PAX3: variants seen among roughly 807,000 people sequenced by gnomAD.
PAX3 encodes the protein paired box protein Pax-3.
A neutral mutation model predicts 51.6 loss-of-function variants in PAX3; 14 were observed. That is an observed-to-expected ratio of 0.27 (90% CI 0.18 to 0.42). The LOEUF is 0.42. Ranked by LOEUF, PAX3 falls within the 10% of genes least tolerant of loss-of-function variation. PAX3 has a pLI of 1.00. For synonymous variants in PAX3, 280 were observed against 253.4 expected (o/e 1.11, Z -1.00); for missense variants, 540 against 642.8 (o/e 0.84, Z 1.73).
chr2:222,231,782 C>T (rs572874515), intron 5 of PAX3, among the ~76,000 whole-genome samples: 1 of 152,240 alleles, frequency 6.6e-6, no homozygotes, highest in South Asian at 2.1e-4. Context: ...AGAGTAACCA[C>T]TCAAAATTTA....
chr2:222,276,502 C>T (rs1449268775), intron 4 of PAX3, among the ~76,000 whole-genome samples: 1 of 152,184 alleles, frequency 6.6e-6, no homozygotes, highest in Non-Finnish European at 1.5e-5. Context: ...ATGATTTCCT[C>T]AAGCGGCTGC....
Position 222,220,261 on chromosome 2 carries a change from C to G in PAX3, c.1052G>C (p.Ser351Thr). ...GGTGCTGGGGAGGCAGTAGGCAGAG[C>G]TGCTGTCTGGGTTGGAAGGAATCGT... ...QSTIPSNPDS[S>T]SAYCLPSTRH... Residue 351 changes from serine (S) to threonine (T), a missense_variant, in exon 7 of 9, where the codon AGC (serine) becomes ACC (threonine). Coordinates refer to ENST00000392070, the MANE Select transcript of PAX3 (RefSeq NM_181458.4). 6.2e-7 allele frequency: 1 copy of G among 1,614,028 alleles called. No individual in the cohort carries two copies. Among genetic ancestry groups the G allele is most frequent in the South Asian group, 1.1e-5 (1 of 91,076 alleles).
At chr2:222,258,038 T>C (rs1177390292) in intron 4 of PAX3, among the ~76,000 whole-genome samples, 1 of 152,244 alleles carries the variant, frequency 6.6e-6, no homozygotes, top group Non-Finnish European at 1.5e-5. Context: ...TTCTAAAACT[T>C]AGTTTTCTAG....
At chr2:222,297,260 A>C (rs1462548860) in intron 1 of PAX3, 47 bp from the exon 2 acceptor site, 1 of 1,401,472 alleles carries the variant, frequency 7.1e-7, no homozygotes. Context: ...CACTGGAGGA[A>C]AATAAAAAGC....
chr2:222,265,691 G>GGAGGGAGAGAGA (rs1694031668), intron 4 of PAX3, among the ~76,000 whole-genome samples: 1 of 142,028 alleles, frequency 7.0e-6, no homozygotes, highest in Admixed American at 7.0e-5. Context: ...AGGAAGGAAG[G>GGAGGGAGAGAGA]GAGAAAGATT....
intron 4 of PAX3, among the ~76,000 whole-genome samples, chr2:222,243,506 C>T (rs1693096931): frequency 1.3e-5 from 2 of 152,100 alleles, no homozygotes; most frequent in Admixed American, 1.3e-4. Context: ...TCCACTAAGG[C>T]AAAAGAAAGT....
Position 222,200,699 on chromosome 2 carries a change from G to A in PAX3, c.*709C>T, listed in dbSNP as rs1691255565. ...CACACACCTCTCCCCACACAGGAAA[G>A]GGAAACAAGTCCTTCTTCCTGGTAG... On this transcript the variant is annotated 3_prime_UTR_variant, in exon 9 of 9. Coordinates refer to ENST00000392070, the MANE Select transcript of PAX3 (RefSeq NM_181458.4). 3.8e-6 allele frequency: 1 copy of A among 263,638 alleles called. No homozygotes were observed. The highest frequency in any genetic ancestry group is 1.0e-4 in the South Asian group (1 of 9,794). The allele number at this position is 263,638 out of a possible 1,614,324, so 16.3% of individuals were successfully genotyped here.
chr2:222,228,235 G>A (rs534764626), intron 5 of PAX3, among the ~76,000 whole-genome samples: 87 of 152,138 alleles, frequency 5.7e-4, no homozygotes, highest in Non-Finnish European at 1.1e-3. Context: ...GCCATGATGT[G>A]TCTCAAGGGA....
chr2:222,246,827 G>C (rs977111449), intron 4 of PAX3, among the ~76,000 whole-genome samples: 1 of 152,096 alleles, frequency 6.6e-6, no homozygotes. Flanking sequence ...TAATAGTATT[G>C]TTTATATTTG....
chr2:222,212,023 G>C lies in PAX3; in HGVS notation c.1173+8117C>G, dbSNP rs1023304008. 2.0e-5 allele frequency among the ~76,000 whole-genome samples: 3 copies of C among 152,056 alleles called. No homozygotes were observed. The East Asian group carries it at 5.8e-4, about 29-fold the overall frequency. ...GAAGCTTATAATCAAAGGCAGTGGG[G>C]GTGTGGATACACTATAATAGAATAG... On this transcript the variant is annotated intron_variant, in intron 7 of 8. Coordinates refer to ENST00000392070, the MANE Select transcript of PAX3 (RefSeq NM_181458.4).
intron 4 of PAX3, among the ~76,000 whole-genome samples, chr2:222,261,615 A>T (rs1190864464): frequency 2.0e-5 from 3 of 150,914 alleles, no homozygotes; most frequent in Admixed American, 2.0e-4. Context: ...AAAAAAAAAA[A>T]GAAAAAGAAA....
At position 222,274,823 on chromosome 2, in the gene PAX3, A is replaced by G. The variant is rs1256866637; in HGVS notation, c.586+19344T>C. ...ATGCCTGCCATTTTAAAAGCTATAC[A>G]GTTATCTTGCTATTCAAAGTATATT... is the stretch of plus-strand genomic sequence containing the variant. On this transcript the variant is annotated intron_variant, in intron 4 of 8. Coordinates refer to ENST00000392070, the MANE Select transcript of PAX3 (RefSeq NM_181458.4). 2.6e-5 allele frequency among the ~76,000 whole-genome samples: 4 copies of G among 152,192 alleles called. No homozygotes were observed. In the East Asian group the frequency reaches 5.8e-4, roughly 22 times the overall value.
intron 4 of PAX3, among the ~76,000 whole-genome samples, chr2:222,290,456 A>T (rs1301282419): frequency 6.6e-6 from 1 of 152,202 alleles, no homozygotes; most frequent in Non-Finnish European, 1.5e-5. Flanking sequence ...TCTTAGTGGG[A>T]TCTTTTAAAT....
intron 4 of PAX3, among the ~76,000 whole-genome samples, chr2:222,245,464 T>C (rs1559282227): frequency 6.6e-6 from 1 of 152,210 alleles, no homozygotes; most frequent in African/African-American, 2.4e-5. Context: ...TGTGAATAGG[T>C]CAGGTACCCA....
intron 4 of PAX3, among the ~76,000 whole-genome samples, chr2:222,271,479 C>T (rs751667236): frequency 5.3e-5 from 8 of 152,120 alleles, no homozygotes; most frequent in East Asian, 3.8e-4. Context: ...GTGACAGTAA[C>T]GATTATATCT....
intron 2 of PAX3, 24 bp from the exon 3 acceptor site, chr2:222,295,681 C>T: frequency 6.2e-7 from 1 of 1,613,668 alleles, no homozygotes; most frequent in Non-Finnish European, 8.5e-7. Flanking sequence ...GGCGGGCAGG[C>T]GTTGGTACCC....
chr2:222,264,504 C>T lies in PAX3; in HGVS notation c.586+29663G>A, dbSNP rs1420312607. On this transcript the variant is annotated intron_variant, in intron 4 of 8. Coordinates refer to ENST00000392070, the MANE Select transcript of PAX3 (RefSeq NM_181458.4). ...CAATATGTTGTGAAAATACCAAATGCCATTGAATTGTTCACTTTAAAACAG... is the reference window on the plus strand; with the variant it reads ...CAATATGTTGTGAAAATACCAAATGTCATTGAATTGTTCACTTTAAAACAG... 2.6e-5 allele frequency: 4 copies of T among 152,154 alleles called. No individual in the cohort carries two copies. In the South Asian group the frequency reaches 6.2e-4, roughly 24 times the overall value. 9.4% of individuals were successfully genotyped at this position (152,154 alleles called of 1,614,324 possible). A position where few individuals can be genotyped will look rare whatever the true frequency, so the allele number is the denominator to read the frequency against.
chr2:222,234,413 T>C (rs1392254049), intron 4 of PAX3, among the ~76,000 whole-genome samples: 4 of 152,202 alleles, frequency 2.6e-5, no homozygotes, highest in African/African-American at 9.6e-5. Context: ...AAATACGCTA[T>C]GCATTGCATT....
intron 4 of PAX3, among the ~76,000 whole-genome samples, chr2:222,256,208 C>T (rs1693637936): frequency 6.6e-6 from 1 of 152,108 alleles, no homozygotes; most frequent in African/African-American, 2.4e-5. Context: ...GAATCAATTA[C>T]ATTCCAAGGA....
Sources: gnomAD v4.1 joint callset for allele counts (sites outside exome capture counted in the v4.1 genomes callset) on GRCh38, gnomAD v4.1.1 for gene constraint, MANE v1.5 for transcripts, NCBI Gene and HGNC (gene_info 2026-07-23, HGNC 2026-07-21) for gene names.